The following LARS2 variants were observed in gnomAD, a reference collection of about 807,000 sequenced individuals.
The protein encoded by LARS2 is leucyl-tRNA synthetase 2, mitochondrial, also known as leucine--tRNA ligase, mitochondrial.
LARS2 carries 81 observed loss-of-function variants against 116.6 expected under a neutral mutation model. The observed-to-expected ratio is 0.69, with a 90% CI of 0.58 to 0.84. The LOEUF (loss-of-function observed/expected upper bound fraction) is 0.84. Among genes scored for constraint, LARS2 ranks in the 40% least tolerant of loss-of-function variants. The probability of loss-of-function intolerance (pLI) is 0.00; values close to 1 mark genes in which losing one functional copy is unlikely to be tolerated. For missense variants in LARS2, 968 were observed against 1,114.5 expected (o/e 0.87, Z 1.87); for synonymous variants, 396 against 407.2 (o/e 0.97, Z 0.33).
intron 4 of LARS2, among the ~76,000 whole-genome samples, chr3:45,402,661 T>G (rs928587312): frequency 6.6e-6 from 1 of 152,248 alleles, no homozygotes; most frequent in Non-Finnish European, 1.5e-5. Context: ...AATGTCTTTG[T>G]CACTTGAAGA....
chr3:45,416,717 T>C (rs1302615701), intron 4 of LARS2, among the ~76,000 whole-genome samples: 1 of 152,178 alleles, frequency 6.6e-6, no homozygotes, highest in Non-Finnish European at 1.5e-5. Context: ...TACTTTTAAT[T>C]AAGTTTAAAT....
intron 8 of LARS2, among the ~76,000 whole-genome samples, chr3:45,471,302 AG>A (rs1243247356): frequency 6.6e-6 from 1 of 152,144 alleles, no homozygotes; most frequent in Non-Finnish European, 1.5e-5. Flanking sequence ...GAGCTTGCAG[AG>A]TTGTTCGAGA....
chr3:45,533,260 C>T (rs1301921252), intron 20 of LARS2, among the ~76,000 whole-genome samples: 1 of 144,986 alleles, frequency 6.9e-6, no homozygotes, highest in Non-Finnish European at 1.5e-5. Context: ...ACACCATTTG[C>T]CTGCATCAGC....
At chr3:45,499,254 C>G (rs1468061938) in intron 14 of LARS2, among the ~76,000 whole-genome samples, 1 of 152,116 alleles carries the variant, frequency 6.6e-6, no homozygotes. Context: ...TCAGCCTGAC[C>G]AACATGGCAA....
chr3:45,400,421 G>A, intron 4 of LARS2, 48 bp downstream of exon 4: 1 of 1,554,152 alleles, frequency 6.4e-7, no homozygotes, highest in Non-Finnish European at 8.7e-7. Context: ...CACACGCAGG[G>A]TTGGCATGTA....
chr3:45,496,215 A>C, intron 13 of LARS2, 60 bp from the exon 14 acceptor site: 1 of 1,296,852 alleles, frequency 7.7e-7, no homozygotes, highest in Non-Finnish European at 1.1e-6. Flanking sequence ...TCAAAAGCTG[A>C]TGGAAAACTG....
chr3:45,403,756 C>A (rs1698192238), intron 4 of LARS2, among the ~76,000 whole-genome samples: 1 of 152,048 alleles, frequency 6.6e-6, no homozygotes, highest in African/African-American at 2.4e-5. Context: ...GCAGCTCAGG[C>A]CCAAAAGACA....
intron 20 of LARS2, among the ~76,000 whole-genome samples, chr3:45,533,141 C>CTTTT (rs3085466): frequency 0.11 from 5,660 of 51,176 alleles, 1,718 homozygotes; most frequent in Non-Finnish European, 0.13. Context: ...CACATTAAGT[C>CTTTT]TTTTTTTTTT....
At chr3:45,453,933 G>A (rs988015255) in intron 7 of LARS2, among the ~76,000 whole-genome samples, 1 of 152,088 alleles carries the variant, frequency 6.6e-6, no homozygotes, top group Non-Finnish European at 1.5e-5. Flanking sequence ...AGTAGCCAAG[G>A]GCCAGAGGAG....
chr3:45,501,876 T>C (rs978346151), intron 15 of LARS2, among the ~76,000 whole-genome samples: 1 of 149,806 alleles, frequency 6.7e-6, no homozygotes, highest in Non-Finnish European at 1.5e-5. Flanking sequence ...AACCAGTGGG[T>C]ATATAATGGG....
intron 6 of LARS2, among the ~76,000 whole-genome samples, chr3:45,445,402 A>T (rs1372348461): frequency 6.6e-6 from 1 of 152,178 alleles, no homozygotes; most frequent in Non-Finnish European, 1.5e-5. Flanking sequence ...ATGGATGAGG[A>T]TGAATTTGGA....
Position 45,547,494 on chromosome 3 carries a change from G to T in LARS2, c.2676G>T (p.Pro892=). 1 of 1,612,362 alleles carries T rather than the reference G, an allele frequency of 6.2e-7. No individual in the cohort carries two copies. The highest frequency in any genetic ancestry group is 8.5e-7 in the Non-Finnish European group (1 of 1,179,406). ...GCATCAAGAAGTCCTTCCTTTCCCCGAGAACTGCCCTCATCAACTTCCTGG... is the reference window on the plus strand; with the variant it reads ...GCATCAAGAAGTCCTTCCTTTCCCCTAGAACTGCCCTCATCAACTTCCTGG... ...GRSIKKSFLS[P]RTALINFLVQ... Residue 892 remains proline (P), a synonymous_variant, in exon 22 of 22, where the codon CCG becomes CCT. Transcript: ENST00000645846.
At position 45,446,919 on chromosome 3, in the gene LARS2, A is replaced by G; in HGVS notation, c.545A>G (p.Tyr182Cys). The G allele has an allele frequency of 6.2e-7, 1 of 1,611,522 alleles. No individual in the cohort carries two copies. The highest frequency in any genetic ancestry group is 8.5e-7 in the Non-Finnish European group (1 of 1,178,048). The change falls in exon 7 of 22, where the codon TAC becomes TGC. Residue 182 changes from tyrosine (Y) to cysteine (C), a missense_variant. Physicochemically the swap from Tyr to Cys is radical, Grantham distance 194. Coordinates refer to ENST00000645846, the MANE Select transcript of LARS2 (RefSeq NM_015340.4). ...REITTCLPDYYKWTQYLFIKL... is the reference protein window; with the variant it reads ...REITTCLPDYCKWTQYLFIKL... ...ATAACTACGTGTTTGCCAGATTACT[A>G]CAAGTGGACTCAGTATCTCTTTATT...
At chr3:45,515,888 G>C (rs906058789) in intron 16 of LARS2, among the ~76,000 whole-genome samples, 1 of 152,178 alleles carries the variant, frequency 6.6e-6, no homozygotes, top group African/African-American at 2.4e-5. Context: ...GAAGGTTTGT[G>C]GGAGGAAGGT....
chr3:45,488,957 A>T (rs574591413), intron 12 of LARS2, 145 bp downstream of exon 12: 1 of 642,576 alleles, frequency 1.6e-6, no homozygotes, highest in Non-Finnish European at 2.8e-6. Flanking sequence ...AGAACAAAAT[A>T]ATATTCTTCA....
At position 45,484,630 on chromosome 3, in the gene LARS2, A is replaced by AAAT. The variant is rs1553634443; in HGVS notation, c.1019-1061_1019-1060insATA. Among the ~76,000 whole-genome samples, 78 of 9,724 alleles carry AAAT rather than the reference A, an allele frequency of 8.0e-3. 5 individuals are homozygous for AAAT. Among genetic ancestry groups the AAAT allele is most frequent in the African/African-American group, 0.012 (69 of 5,610 alleles). The allele number at this position is 9,724 out of a possible 152,430, so 6.4% of individuals were successfully genotyped here. A position where few individuals can be genotyped will look rare whatever the true frequency, so the allele number is the denominator to read the frequency against. On this transcript the variant is annotated intron_variant, in intron 10 of 21. Coordinates refer to ENST00000645846, the MANE Select transcript of LARS2 (RefSeq NM_015340.4). ...AAAAAAAAAAAAAAAAAAAAAAAAA[A>AAAT]ATATATATATATATATATTTAAAAT...
chr3:45,432,414 C>G (rs1575250700), intron 6 of LARS2, among the ~76,000 whole-genome samples: 1 of 152,090 alleles, frequency 6.6e-6, no homozygotes, highest in East Asian at 1.9e-4. Flanking sequence ...CAAATTAAGT[C>G]TAAATAGATT....
chr3:45,468,511 G>A (rs1030646101), intron 8 of LARS2, among the ~76,000 whole-genome samples: 3 of 152,210 alleles, frequency 2.0e-5, no homozygotes, highest in Admixed American at 6.5e-5. Flanking sequence ...GGGCAGGGAG[G>A]TGACATAGGT....
intron 10 of LARS2, among the ~76,000 whole-genome samples, chr3:45,479,965 A>G (rs1475037387): frequency 6.6e-6 from 1 of 152,204 alleles, no homozygotes; most frequent in East Asian, 1.9e-4. Context: ...TTGACACATT[A>G]CAGGCACATT....
Sources: gnomAD v4.1 joint callset for allele counts (sites outside exome capture counted in the v4.1 genomes callset) on GRCh38, gnomAD v4.1.1 for gene constraint, MANE v1.5 for transcripts, NCBI Gene and HGNC (gene_info 2026-07-23, HGNC 2026-07-21) for gene names.